Variants in FRY observed in about 807,000 individuals in gnomAD.
FRY encodes FRY microtubule binding protein.
In FRY, 128 loss-of-function variants were observed where a neutral mutation model predicts 348.4. The observed-to-expected ratio is 0.37, with a 90% CI of 0.32 to 0.43. FRY has a LOEUF of 0.43. Among genes scored for constraint, FRY ranks in the 20% least tolerant of loss-of-function variants. The probability of loss-of-function intolerance (pLI) is 1.00; values close to 1 mark genes in which losing one functional copy is unlikely to be tolerated. For synonymous variants in FRY, 1,370 were observed against 1,374.7 expected, an observed-to-expected ratio of 1.00 and a Z score of 0.08; for missense variants, 2,736 against 3,695.2, an observed-to-expected ratio of 0.74 and a Z score of 6.73.
intron 1 of FRY, among the ~76,000 whole-genome samples, chr13:32,059,501 C>T (rs1873815906): frequency 6.7e-6 from 1 of 148,200 alleles, no homozygotes. Flanking sequence ...TAGTATTACA[C>T]TAATGAGATA....
intron 55 of FRY, among the ~76,000 whole-genome samples, chr13:32,272,976 C>T (rs1305274906): frequency 2.0e-5 from 3 of 151,766 alleles, no homozygotes; most frequent in Non-Finnish European, 4.4e-5. Flanking sequence ...GAACTCCTGA[C>T]TTTGTGATCC....
chr13:32,198,318 T>C (rs1883807644), intron 29 of FRY, among the ~76,000 whole-genome samples: 1 of 152,164 alleles, frequency 6.6e-6, no homozygotes, highest in Non-Finnish European at 1.5e-5. Flanking sequence ...AATGTATTAA[T>C]GTTAGATTCC....
intron 53 of FRY, among the ~76,000 whole-genome samples, chr13:32,265,149 T>G (rs1432282286): frequency 6.6e-6 from 1 of 152,186 alleles, no homozygotes; most frequent in African/African-American, 2.4e-5. Flanking sequence ...TTGGAGGTCT[T>G]GATGGTCTTT....
At chr13:32,123,820 TTTGTTG>T (rs34241410) in intron 4 of FRY, among the ~76,000 whole-genome samples, 2 of 151,636 alleles carry the variant, frequency 1.3e-5, no homozygotes, top group Admixed American at 6.6e-5. Flanking sequence ...ATTAGCATGT[TTTGTTG>T]TTGTTGTTGT....
At position 32,237,617 on chromosome 13, in the gene FRY, A is replaced by G; in HGVS notation, c.6049A>G (p.Lys2017Glu). 6.2e-7 allele frequency: 1 copy of G among 1,614,060 alleles called. No individual in the cohort carries two copies. The highest frequency in any genetic ancestry group is 8.5e-7 in the Non-Finnish European group (1 of 1,179,980). The change falls in exon 44 of 61, where the codon AAA (lysine) becomes GAA (glutamate). Residue 2017 changes from lysine (K) to glutamate (E), a missense_variant. Physicochemically the swap from Lys to Glu is moderately conservative, Grantham distance 56 (BLOSUM62 1). Coordinates refer to ENST00000542859, the MANE Select transcript of FRY (RefSeq NM_023037.3). The surrounding 1 kb of genome is among the most constrained non-coding windows in gnomAD (Gnocchi z 6.3). ...TTGTACCCAACAAGGCCTCTCCTCA[A>G]AAACCAGAAGCTCATCCTCCTTGAA... is the stretch of plus-strand genomic sequence containing the variant. ...QACTQQGLSSKTRSSSSLKDS... is the reference protein window; with the variant it reads ...QACTQQGLSSETRSSSSLKDS...
chr13:32,186,601 T>C (rs1339833333), intron 27 of FRY, among the ~76,000 whole-genome samples, 181 bp downstream of exon 27: 2 of 152,164 alleles, frequency 1.3e-5, no homozygotes, highest in Non-Finnish European at 2.9e-5. Context: ...AGCTCCCATT[T>C]TCTTCTCATA....
chr13:32,097,379 T>TTGG (rs1876812034), intron 2 of FRY, among the ~76,000 whole-genome samples: 1 of 149,538 alleles, frequency 6.7e-6, no homozygotes, highest in Non-Finnish European at 1.5e-5. Flanking sequence ...TTTTTTTTTT[T>TTGG]GAGATGGAGT....
intron 24 of FRY, among the ~76,000 whole-genome samples, chr13:32,183,363 GA>G (rs1247243297): frequency 1.3e-5 from 2 of 152,156 alleles, no homozygotes; most frequent in East Asian, 3.9e-4. Flanking sequence ...ACAAGGAGTT[GA>G]ATGGCCAAGA....
At chr13:32,161,339 C>T (rs1881432625) in intron 17 of FRY, 88 bp downstream of exon 17, 1 of 892,212 alleles carries the variant, frequency 1.1e-6, no homozygotes, top group Admixed American at 1.7e-5. Context: ...TTACAATTAA[C>T]AAATATTTAC....
At chr13:32,247,299 C>T in intron 47 of FRY, 24 bp from the exon 48 acceptor site, 1 of 1,585,740 alleles carries the variant, frequency 6.3e-7, no homozygotes, top group Non-Finnish European at 8.7e-7. Flanking sequence ...TATTTTTAAC[C>T]CTTGAATGTT....
chr13:32,105,602 G>A (rs1367278591), intron 3 of FRY, among the ~76,000 whole-genome samples: 1 of 152,302 alleles, frequency 6.6e-6, no homozygotes, highest in Non-Finnish European at 1.5e-5. Flanking sequence ...GGTTGCCACA[G>A]AAGTCTGTCT....
At chr13:32,255,720 C>G (rs1049186727) in intron 51 of FRY, among the ~76,000 whole-genome samples, 1 of 152,220 alleles carries the variant, frequency 6.6e-6, no homozygotes, top group African/African-American at 2.4e-5. Flanking sequence ...AAAGCATTCA[C>G]TGAATGCAGT....
intron 35 of FRY, among the ~76,000 whole-genome samples, chr13:32,217,439 T>C (rs1885060382): frequency 6.6e-6 from 1 of 152,182 alleles, no homozygotes; most frequent in African/African-American, 2.4e-5. Flanking sequence ...ACTAATACCT[T>C]ATAGTCCGAC....
At chr13:32,251,126 G>T (rs1304330136) in intron 49 of FRY, among the ~76,000 whole-genome samples, 1 of 152,122 alleles carries the variant, frequency 6.6e-6, no homozygotes, top group African/African-American at 2.4e-5. Flanking sequence ...ATTAAAGGGG[G>T]GAGAATCATT....
chr13:32,112,646 C>A (rs1490863887), intron 3 of FRY, among the ~76,000 whole-genome samples: 1 of 152,216 alleles, frequency 6.6e-6, no homozygotes, highest in Non-Finnish European at 1.5e-5. Context: ...CCCAAACATT[C>A]TAAGTAACTT....
chr13:32,194,227 C>T lies in FRY; in HGVS notation c.3676C>T (p.Arg1226Ter). ...QINLFNWAID[R>*]CYTGSYQLAS... ...AAATCTTTTTAACTGGGCAATTGAC[C>T]GATGCTACACAGGTTCCTACCAACT... The change falls in exon 29 of 61, where the codon CGA (arginine) becomes TGA (stop). Residue 1226 changes from arginine to a stop codon, truncating the protein, a stop_gained. Transcript: ENST00000542859. LOFTEE classifies it high-confidence loss of function. The T allele has an allele frequency of 6.2e-7, 1 of 1,613,828 alleles. No individual in the cohort carries two copies. The highest frequency in any genetic ancestry group is 8.5e-7 in the Non-Finnish European group (1 of 1,179,818).
chr13:32,182,916 T>C, intron 23 of FRY, 61 bp from the exon 24 acceptor site: 1 of 1,022,418 alleles, frequency 9.8e-7, no homozygotes, highest in Non-Finnish European at 1.6e-6. Context: ...ATATAGAGTA[T>C]TTAGTGACAA....
intron 11 of FRY, among the ~76,000 whole-genome samples, chr13:32,141,368 T>G (rs1275726604): frequency 6.6e-6 from 1 of 152,228 alleles, no homozygotes; most frequent in Non-Finnish European, 1.5e-5. Context: ...ATGTAAAGTA[T>G]TGCTGTGATA....
At chr13:32,073,213 G>T (rs1032842415) in intron 1 of FRY, among the ~76,000 whole-genome samples, 2 of 152,218 alleles carry the variant, frequency 1.3e-5, no homozygotes, top group African/African-American at 4.8e-5. Context: ...TGGGAAAGCA[G>T]TGTGATCATT....
Sources: allele counts gnomAD v4.1 joint callset (sites outside exome capture counted in the v4.1 genomes callset), GRCh38; gene constraint gnomAD v4.1.1; non-coding constraint Gnocchi (gnomAD v3.1); transcripts MANE v1.5; gene names NCBI Gene and HGNC (gene_info 2026-07-23, HGNC 2026-07-21).